GRM7: variants seen among roughly 807,000 people sequenced by gnomAD.
GRM7 encodes glutamate metabotropic receptor 7, also known as metabotropic glutamate receptor 7.
GRM7 carries 35 observed loss-of-function variants against 84.5 expected under a neutral mutation model. That is an observed-to-expected ratio of 0.41 (90% confidence interval 0.32 to 0.55). GRM7 has a LOEUF of 0.55. Among genes scored for constraint, GRM7 ranks in the 20% least tolerant of loss-of-function variants. The pLI is 0.19. For synonymous variants in GRM7, 487 were observed against 455.1 expected, an observed-to-expected ratio of 1.07 and a Z score of -0.89; for missense variants, 1,003 against 1,194.6, an observed-to-expected ratio of 0.84 and a Z score of 2.36.
chr3:6,929,761 T>C (rs1301430437), intron 1 of GRM7, among the ~76,000 whole-genome samples: 2 of 152,170 alleles, frequency 1.3e-5, no homozygotes, highest in African/African-American at 4.8e-5. Context: ...AAAAATTGAT[T>C]ACAATCCTAA....
intron 4 of GRM7, among the ~76,000 whole-genome samples, chr3:7,330,113 G>A (rs1499211): frequency 0.46 from 69,794 of 151,888 alleles, 16,233 homozygotes; most frequent in African/African-American, 0.53. Context: ...TCAAAAGATA[G>A]AAGGAATTCT....
At chr3:7,643,116 T>C (rs1698436870) in intron 8 of GRM7, among the ~76,000 whole-genome samples, 1 of 152,188 alleles carries the variant, frequency 6.6e-6, no homozygotes, top group African/African-American at 2.4e-5. Context: ...TGCAGATCCC[T>C]ATACGCCATA....
intron 9 of GRM7, among the ~76,000 whole-genome samples, chr3:7,699,101 A>T (rs1701126268): frequency 6.6e-6 from 1 of 152,208 alleles, no homozygotes; most frequent in Admixed American, 6.5e-5. Context: ...GGCAAAGGGT[A>T]ATCTCTCAGA....
At chr3:7,434,800 CA>C (rs1172016440) in intron 5 of GRM7, among the ~76,000 whole-genome samples, 2 of 151,940 alleles carry the variant, frequency 1.3e-5, no homozygotes, top group African/African-American at 4.8e-5. Flanking sequence ...TAATGCTGGA[CA>C]CAAAAAAATG....
intron 1 of GRM7, among the ~76,000 whole-genome samples, chr3:6,933,430 T>C (rs1286257864): frequency 6.6e-6 from 1 of 152,200 alleles, no homozygotes; most frequent in Non-Finnish European, 1.5e-5. Flanking sequence ...GCAGAAACAG[T>C]ATTTAAATCC....
chr3:7,458,109 C>G (rs1202715716), intron 6 of GRM7, among the ~76,000 whole-genome samples: 1 of 152,150 alleles, frequency 6.6e-6, no homozygotes, highest in Non-Finnish European at 1.5e-5. Flanking sequence ...ATGCAGAAGA[C>G]TGGTTTATTA....
chr3:7,163,128 G>T (rs2125080936), intron 2 of GRM7, among the ~76,000 whole-genome samples: 1 of 152,066 alleles, frequency 6.6e-6, no homozygotes, highest in Non-Finnish European at 1.5e-5. Flanking sequence ...GTCTTCTGTT[G>T]CTCTGGACTA....
At chr3:6,865,166 A>G (rs992522535) in intron 1 of GRM7, among the ~76,000 whole-genome samples, 1 of 152,212 alleles carries the variant, frequency 6.6e-6, no homozygotes, top group African/African-American at 2.4e-5. Flanking sequence ...ATTTCTGGAG[A>G]TTTGTTCCTA....
chr3:7,387,359 T>C (rs1694825037), intron 4 of GRM7, among the ~76,000 whole-genome samples: 1 of 152,236 alleles, frequency 6.6e-6, no homozygotes, highest in Admixed American at 6.5e-5. Context: ...CATGAATTCT[T>C]GGCCTAGGCC....
At chr3:7,430,488 T>C (rs147362353) in intron 5 of GRM7, among the ~76,000 whole-genome samples, 3 of 152,334 alleles carry the variant, frequency 2.0e-5, no homozygotes, top group African/African-American at 4.8e-5. Flanking sequence ...AGAGAAGATA[T>C]GGAGGAGCCA....
chr3:6,906,461 A>G (rs768219853), intron 1 of GRM7, among the ~76,000 whole-genome samples: 2 of 152,144 alleles, frequency 1.3e-5, no homozygotes, highest in Admixed American at 6.6e-5. Flanking sequence ...TTTGGCTTCT[A>G]TCTTATAAGA....
rs1002717722 is a variant in GRM7 at position 7,300,686 on chromosome 3, G to A, written c.878+1861G>A. Among the ~76,000 whole-genome samples the A allele has an allele frequency of 3.9e-5, 6 of 152,064 alleles. No homozygotes were observed. In the South Asian group the frequency reaches 8.3e-4, roughly 21 times the overall value. On this transcript the variant is annotated intron_variant, in intron 3 of 9. Coordinates refer to ENST00000357716, the MANE Select transcript of GRM7 (RefSeq NM_000844.4). ...CTCCCTGGCCCATGTTTCCTTCCCT[G>A]CTTCATCACCTCAATGCTATCTCTA...
At chr3:7,502,643 A>G (rs1279814683) in intron 7 of GRM7, among the ~76,000 whole-genome samples, 3 of 151,988 alleles carry the variant, frequency 2.0e-5, no homozygotes, top group Admixed American at 6.5e-5. Context: ...TAGATTCACT[A>G]TTTTTTCTGT....
chr3:7,043,315 T>C (rs926862606), intron 1 of GRM7, among the ~76,000 whole-genome samples: 1 of 152,192 alleles, frequency 6.6e-6, no homozygotes, highest in Non-Finnish European at 1.5e-5. Flanking sequence ...CCCTGTGAAC[T>C]CAAGCTGCCT....
intron 5 of GRM7, among the ~76,000 whole-genome samples, chr3:7,425,322 A>C (rs1284024049): frequency 3.3e-5 from 5 of 152,218 alleles, no homozygotes; most frequent in African/African-American, 1.2e-4. Flanking sequence ...TGTTATAATG[A>C]TAAAAAGCTA....
At chr3:7,572,279 G>A (rs1694703532) in intron 7 of GRM7, among the ~76,000 whole-genome samples, 1 of 152,138 alleles carries the variant, frequency 6.6e-6, no homozygotes, top group South Asian at 2.1e-4. Context: ...ACACACTAAT[G>A]CCTATTTCTT....
chr3:7,033,536 T>C (rs1696267108), intron 1 of GRM7, among the ~76,000 whole-genome samples: 1 of 152,184 alleles, frequency 6.6e-6, no homozygotes, highest in Non-Finnish European at 1.5e-5. Flanking sequence ...TATTCTCAAG[T>C]TCATTCTTCT....
At chr3:7,164,705 TAA>T (rs1003310814) in intron 2 of GRM7, among the ~76,000 whole-genome samples, 2 of 152,160 alleles carry the variant, frequency 1.3e-5, no homozygotes, top group African/African-American at 4.8e-5. Flanking sequence ...GAACTGGAAA[TAA>T]AAAGAGTGAA....
At chr3:7,410,432 G>A (rs1695876100) in intron 4 of GRM7, among the ~76,000 whole-genome samples, 1 of 152,000 alleles carries the variant, frequency 6.6e-6, no homozygotes, top group African/African-American at 2.4e-5. Flanking sequence ...AATTATCCAG[G>A]CATGGTGGTG....
Sources: allele counts gnomAD v4.1 joint callset (sites outside exome capture counted in the v4.1 genomes callset), GRCh38; gene constraint gnomAD v4.1.1; transcripts MANE v1.5; gene names NCBI Gene and HGNC (gene_info 2026-07-23, HGNC 2026-07-21).